The following SLC8A3 variants were observed in gnomAD, a reference collection of about 807,000 sequenced individuals.
SLC8A3 encodes the protein sodium/calcium exchanger 3.
A neutral mutation model predicts 65.4 loss-of-function variants in SLC8A3; 37 were observed. That is an observed-to-expected ratio of 0.57 (90% confidence interval 0.44 to 0.74). The LOEUF (loss-of-function observed/expected upper bound fraction) is 0.74, where lower values mean the gene tolerates loss of function less well. Among genes scored for constraint, SLC8A3 ranks in the 30% least tolerant of loss-of-function variants. SLC8A3 has a pLI of 0.00. For synonymous variants in SLC8A3, 461 were observed against 444.5 expected (o/e 1.04, Z -0.47); for missense variants, 1,112 against 1,172.1 (o/e 0.95, Z 0.75).
chr14:70,132,090 G>T (rs933649665), intron 2 of SLC8A3, among the ~76,000 whole-genome samples: 3 of 152,238 alleles, frequency 2.0e-5, no homozygotes, highest in African/African-American at 7.2e-5. Context: ...TGGAGCTAAA[G>T]CCTGGAGCCC....
intron 2 of SLC8A3, among the ~76,000 whole-genome samples, chr14:70,159,338 G>A (rs1435340528): frequency 6.6e-6 from 1 of 150,822 alleles, no homozygotes; most frequent in Non-Finnish European, 1.5e-5. Flanking sequence ...GAACTCGAAA[G>A]CAGAGGTTGC....
chr14:70,139,443 T>G (rs1484013918), intron 2 of SLC8A3, among the ~76,000 whole-genome samples: 1 of 152,182 alleles, frequency 6.6e-6, no homozygotes, highest in East Asian at 1.9e-4. Flanking sequence ...CAAGAGCTAG[T>G]GTAATCCCAA....
At chr14:70,181,672 G>A (rs1459178823) in intron 1 of SLC8A3, among the ~76,000 whole-genome samples, 1 of 152,128 alleles carries the variant, frequency 6.6e-6, no homozygotes, top group Non-Finnish European at 1.5e-5. Context: ...GAAAGGGCAA[G>A]GAAACTGTAA....
chr14:70,052,056 C>A lies in SLC8A3; in HGVS notation c.1947G>T (p.Met649Ile), dbSNP rs374618244. The A allele has an allele frequency of 6.2e-7, 1 of 1,612,922 alleles. No individual in the cohort carries two copies. ...EEEEAKRIAE[M>I]GKPVLGEHPK... ...GGTGTTCACCCAATACTGGCTTTCCCATCTCTGCTATCCTCTTGGCCTCCT... is the reference window on the plus strand; with the variant it reads ...GGTGTTCACCCAATACTGGCTTTCCAATCTCTGCTATCCTCTTGGCCTCCT... The change falls in exon 4 of 7, where the codon ATG becomes ATT. Residue 649 changes from methionine (M) to isoleucine (I), a missense_variant. Met to Ile is a conservative substitution (Grantham distance 10). Transcript: ENST00000356921.
chr14:70,072,666 G>GA (rs150218905), intron 2 of SLC8A3, among the ~76,000 whole-genome samples: 10,250 of 151,300 alleles, frequency 0.068, 690 homozygotes, highest in East Asian at 0.41. Flanking sequence ...TTTTGTGAGA[G>GA]AAAAAAAAGA....
intron 2 of SLC8A3, among the ~76,000 whole-genome samples, chr14:70,106,886 C>T (rs892135760): frequency 6.6e-6 from 1 of 152,098 alleles, no homozygotes; most frequent in Non-Finnish European, 1.5e-5. Flanking sequence ...TATGGGAATC[C>T]AGAAGAAACA....
At chr14:70,077,090 A>G (rs945759668) in intron 2 of SLC8A3, among the ~76,000 whole-genome samples, 1 of 152,180 alleles carries the variant, frequency 6.6e-6, no homozygotes, top group African/African-American at 2.4e-5. Context: ...CATGTCACTT[A>G]ATTTGATGAT....
At chr14:70,166,594 A>C (rs1897172770) in intron 2 of SLC8A3, 45 bp downstream of exon 2, 1 of 1,113,724 alleles carries the variant, frequency 9.0e-7, no homozygotes, top group African/African-American at 1.6e-5. Context: ...AAGAGATGGC[A>C]AAAGATGGGG....
chr14:70,130,952 A>G (rs1894788905), intron 2 of SLC8A3, among the ~76,000 whole-genome samples: 1 of 152,220 alleles, frequency 6.6e-6, no homozygotes, highest in Admixed American at 6.5e-5. Context: ...AATCTTCACA[A>G]TATAGAAATT....
chr14:70,180,330 A>G (rs1180410250), intron 1 of SLC8A3, among the ~76,000 whole-genome samples: 1 of 152,216 alleles, frequency 6.6e-6, no homozygotes, highest in Non-Finnish European at 1.5e-5. Flanking sequence ...GAACAAATAA[A>G]ACCTGGCGAG....
intron 2 of SLC8A3, among the ~76,000 whole-genome samples, chr14:70,125,579 G>A (rs575776586): frequency 6.6e-6 from 1 of 151,822 alleles, no homozygotes; most frequent in African/African-American, 2.4e-5. Context: ...AGTCATCCAT[G>A]GATGGACAGT....
chr14:70,185,504 C>T (rs1049030845), intron 1 of SLC8A3, among the ~76,000 whole-genome samples: 1 of 152,220 alleles, frequency 6.6e-6, no homozygotes, highest in Non-Finnish European at 1.5e-5. Flanking sequence ...GGGTCCCATC[C>T]CCTGGGGGAG....
At chr14:70,050,835 C>G (rs75081912) in intron 5 of SLC8A3, among the ~76,000 whole-genome samples, 173 bp downstream of exon 5, 8,820 of 152,204 alleles carry the variant, frequency 0.058, 573 homozygotes, top group East Asian at 0.39. Context: ...CAGAGATAAC[C>G]ATGTTTTTCA....
intron 2 of SLC8A3, among the ~76,000 whole-genome samples, chr14:70,127,710 A>T (rs971247656): frequency 6.6e-6 from 1 of 152,128 alleles, no homozygotes; most frequent in Non-Finnish European, 1.5e-5. Context: ...TATTTTATAG[A>T]GGAGGAAATC....
intron 2 of SLC8A3, among the ~76,000 whole-genome samples, chr14:70,103,373 T>C (rs559803707): frequency 6.6e-6 from 1 of 152,182 alleles, no homozygotes; most frequent in South Asian, 2.1e-4. Context: ...GGTAAGTATG[T>C]AGGTAAGAAT....
chr14:70,068,067 A>G (rs1203220039), intron 2 of SLC8A3, among the ~76,000 whole-genome samples: 2 of 152,232 alleles, frequency 1.3e-5, no homozygotes. Context: ...GAGATCTTCT[A>G]TCAAACAACC....
chr14:70,125,741 G>A (rs1006594730), intron 2 of SLC8A3, among the ~76,000 whole-genome samples: 5 of 151,984 alleles, frequency 3.3e-5, no homozygotes, highest in African/African-American at 1.2e-4. Context: ...TCAGTTCTTT[G>A]AGAAATCTCC....
chr14:70,187,599 C>CTG (rs3053393), intron 1 of SLC8A3, among the ~76,000 whole-genome samples: 24,609 of 117,880 alleles, frequency 0.21, 2,598 homozygotes, highest in South Asian at 0.27. Flanking sequence ...AGGGCTTTGA[C>CTG]TGTGTGTGTG....
intron 6 of SLC8A3, chr14:70,048,394 T>C: frequency 1.8e-6 from 1 of 561,488 alleles, no homozygotes; most frequent in Middle Eastern, 4.6e-4. Context: ...TCACATAATG[T>C]GGAGGTTAAG....
Sources: allele counts gnomAD v4.1 joint callset (sites outside exome capture counted in the v4.1 genomes callset), GRCh38; gene constraint gnomAD v4.1.1; transcripts MANE v1.5; gene names NCBI Gene and HGNC (gene_info 2026-07-23, HGNC 2026-07-21).